Variants in TMEM232 observed in about 807,000 individuals in gnomAD.
The protein encoded by TMEM232 is transmembrane protein 232.
In TMEM232, 80 loss-of-function variants were observed where a neutral mutation model predicts 78.8. The observed-to-expected ratio is 1.01, with a 90% confidence interval of 0.85 to 1.22. TMEM232 has a LOEUF of 1.22. TMEM232 is among the 50% of genes most tolerant of loss of function. The pLI is 0.00. For missense variants in TMEM232, 881 were observed against 742.2 expected, an observed-to-expected ratio of 1.19 and a Z score of -2.17; for synonymous variants, 297 against 254.3, an observed-to-expected ratio of 1.17 and a Z score of -1.60.
chr5:110,599,887 C>G (rs1780677738), intron 10 of TMEM232, among the ~76,000 whole-genome samples: 1 of 152,140 alleles, frequency 6.6e-6, no homozygotes, highest in African/African-American at 2.4e-5. Context: ...CCACATCACA[C>G]CTATTCTAAA....
intron 1 of TMEM232, among the ~76,000 whole-genome samples, chr5:110,697,536 TAC>T (rs1322819709): frequency 1.3e-5 from 2 of 152,078 alleles, no homozygotes; most frequent in East Asian, 3.9e-4. Flanking sequence ...AGAAAATTTT[TAC>T]AATCTACTCA....
rs1337890290 is a variant in TMEM232, at chr5:110,424,836, A to G, written c.1784T>C (p.Ile595Thr). The G allele has an allele frequency of 2.6e-6, 4 of 1,549,064 alleles. No individual in the cohort carries two copies. Among genetic ancestry groups the G allele is most frequent in the Non-Finnish European group, 3.5e-6 (4 of 1,145,694 alleles). ...AATCAATCTTACGTGATGGTCAATG[A>G]TTTTTGCCAACTCTTTATCTGCCTT... is the stretch of plus-strand genomic sequence containing the variant. ...FTKADKELAKIIDHHWQEELK... is the reference protein window; with the variant it reads ...FTKADKELAKTIDHHWQEELK... Residue 595 changes from isoleucine to threonine, a missense_variant, in exon 13 of 14, where the codon ATC (isoleucine) becomes ACC (threonine). Transcript: ENST00000455884.
At position 110,568,442 on chromosome 5, in the gene TMEM232, C is replaced by A. The variant is rs182091276; in HGVS notation, c.1455+5G>T. On this transcript the variant is annotated splice_donor_5th_base_variant and intron_variant, in intron 11 of 13. Transcript: ENST00000455884. ...ACATATTTATTGCCCAGTGTTTTACCTTACCTGAGCTATATTGATTGCATT... is the reference window on the plus strand; with the variant it reads ...ACATATTTATTGCCCAGTGTTTTACATTACCTGAGCTATATTGATTGCATT... The A allele has an allele frequency of 2.0e-6, 3 of 1,531,210 alleles. No individual in the cohort carries two copies. Among genetic ancestry groups the A allele is most frequent in the African/African-American group, 1.4e-5 (1 of 71,512 alleles). The allele number at this position is 1,531,210 out of a possible 1,614,324, so 94.9% of individuals were successfully genotyped here. A position where few individuals can be genotyped will look rare whatever the true frequency, so the allele number is the denominator to read the frequency against.
At chr5:110,682,648 T>C (rs1792897200) in intron 1 of TMEM232, among the ~76,000 whole-genome samples, 1 of 152,194 alleles carries the variant, frequency 6.6e-6, no homozygotes. Context: ...TTATATTAAA[T>C]GATATTTACT....
Position 110,488,381 on chromosome 5 carries a change from C to G in TMEM232, c.1703+40207G>C, listed in dbSNP as rs76732496. On this transcript the variant is annotated intron_variant, in intron 12 of 13. Transcript: ENST00000455884. Reference sequence around the variant, plus strand: ...TTAAAAGGATTAAAGCACAGAGCATCTTTTTAACATACAACAGAATAAAAT... The same window carrying G: ...TTAAAAGGATTAAAGCACAGAGCATGTTTTTAACATACAACAGAATAAAAT... 5.3e-4 allele frequency among the ~76,000 whole-genome samples: 80 copies of G among 151,930 alleles called. 1 individual carries two copies. The East Asian group carries it at 0.012, about 23-fold the overall frequency.
intron 2 of TMEM232, among the ~76,000 whole-genome samples, chr5:110,660,116 A>G (rs1176943538): frequency 1.3e-5 from 2 of 152,120 alleles, no homozygotes; most frequent in Non-Finnish European, 2.9e-5. Flanking sequence ...TTATATTCTG[A>G]CACATCATAG....
chr5:110,624,574 T>G (rs1784179728), intron 7 of TMEM232, among the ~76,000 whole-genome samples: 1 of 152,120 alleles, frequency 6.6e-6, no homozygotes, highest in Non-Finnish European at 1.5e-5. Context: ...CAGATCCCTT[T>G]CTCACATGAG....
At chr5:110,442,638 T>C (rs1043961295) in intron 12 of TMEM232, among the ~76,000 whole-genome samples, 9 of 152,224 alleles carry the variant, frequency 5.9e-5, no homozygotes, top group Non-Finnish European at 1.2e-4. Context: ...CTTATTTAGT[T>C]TGTTTGCTGA....
intron 12 of TMEM232, among the ~76,000 whole-genome samples, chr5:110,436,012 T>C (rs1048738731): frequency 2.6e-5 from 4 of 151,982 alleles, no homozygotes; most frequent in African/African-American, 9.7e-5. Context: ...GCTTTACTTT[T>C]AGTTTTCAGA....
intron 1 of TMEM232, among the ~76,000 whole-genome samples, chr5:110,679,228 T>C (rs1468953217): frequency 6.6e-6 from 1 of 152,180 alleles, no homozygotes; most frequent in African/African-American, 2.4e-5. Context: ...ATTCTAATAG[T>C]GTGTGTAGTA....
At chr5:110,676,189 A>C (rs1561496460) in intron 1 of TMEM232, among the ~76,000 whole-genome samples, 1 of 152,180 alleles carries the variant, frequency 6.6e-6, no homozygotes, top group Non-Finnish European at 1.5e-5. Flanking sequence ...ACTTAGATTA[A>C]TTTTATATCT....
rs1435175978 is a variant in TMEM232, at chr5:110,511,880, C to T, written c.1703+16708G>A. On this transcript the variant is annotated intron_variant, in intron 12 of 13. Coordinates refer to ENST00000455884, the MANE Select transcript of TMEM232 (RefSeq NM_001039763.4). ...TCCTAGTCACCTCTCCCTCTGTAGT[C>T]TTCATGAGCCAGCCATACCACTGGT... 3.3e-5 allele frequency among the ~76,000 whole-genome samples: 5 copies of T among 152,272 alleles called. No individual in the cohort carries two copies. The East Asian group carries it at 9.7e-4, about 29-fold the overall frequency.
At chr5:110,577,302 T>C (rs562198423) in intron 10 of TMEM232, among the ~76,000 whole-genome samples, 18 of 152,216 alleles carry the variant, frequency 1.2e-4, no homozygotes, top group Non-Finnish European at 2.5e-4. Context: ...AGTATGGAAA[T>C]GCAAATCAAA....
chr5:110,519,557 G>A (rs910677439), intron 12 of TMEM232, among the ~76,000 whole-genome samples: 2 of 152,026 alleles, frequency 1.3e-5, no homozygotes, highest in Non-Finnish European at 2.9e-5. Context: ...ACGGAGAACA[G>A]TATGGAGGTT....
chr5:110,694,128 G>T lies in TMEM232; in HGVS notation c.-12-26764C>A, dbSNP rs191747753. The stretch of plus-strand genomic sequence containing the variant: ...CTCTCGGCAGAAACTCTACAAGCCA[G>T]AAGAGAGTGAGGGCCAATATTCAAC... On this transcript the variant is annotated intron_variant, in intron 1 of 13. Coordinates refer to ENST00000455884, the MANE Select transcript of TMEM232 (RefSeq NM_001039763.4). Among the ~76,000 whole-genome samples the T allele has an allele frequency of 3.4e-3, 516 of 152,258 alleles. 5 individuals are homozygous for T. Among genetic ancestry groups the T allele is most frequent in the African/African-American group, 0.012 (489 of 41,548 alleles).
intron 1 of TMEM232, among the ~76,000 whole-genome samples, chr5:110,690,557 A>G (rs1013003745): frequency 1.3e-5 from 2 of 152,200 alleles, no homozygotes; most frequent in African/African-American, 2.4e-5. Context: ...ATTGTGGAAG[A>G]CAGTGTAGTG....
chr5:110,667,386 T>C (rs770812614), intron 1 of TMEM232, 22 bp from the exon 2 acceptor site: 3 of 1,470,652 alleles, frequency 2.0e-6, no homozygotes, highest in African/African-American at 1.4e-5. Context: ...ATTAAATGTA[T>C]GTTAGCATAC....
chr5:110,635,487 C>T (rs570908849), intron 5 of TMEM232, among the ~76,000 whole-genome samples: 8 of 152,014 alleles, frequency 5.3e-5, no homozygotes, highest in South Asian at 2.1e-4. Context: ...TAATACAACA[C>T]GATCAAATTG....
intron 2 of TMEM232, among the ~76,000 whole-genome samples, chr5:110,651,169 G>A (rs761558590): frequency 5.9e-5 from 9 of 152,040 alleles, no homozygotes; most frequent in African/African-American, 1.2e-4. Context: ...CTTGTCTCAT[G>A]GGTCTTATAC....
Sources: gnomAD v4.1 joint callset for allele counts (sites outside exome capture counted in the v4.1 genomes callset) on GRCh38, gnomAD v4.1.1 for gene constraint, MANE v1.5 for transcripts, NCBI Gene and HGNC (gene_info 2026-07-23, HGNC 2026-07-21) for gene names.